The following VPS54 variants were observed in gnomAD, a reference collection of about 807,000 sequenced individuals.
VPS54 encodes vacuolar protein sorting-associated protein 54.
In VPS54, 45 loss-of-function variants were observed where a neutral mutation model predicts 121.5. The observed-to-expected ratio is 0.37, with a 90% confidence interval of 0.29 to 0.47. The LOEUF (loss-of-function observed/expected upper bound fraction) is 0.47. Ranked by LOEUF, VPS54 falls within the 20% of genes least tolerant of loss-of-function variation. The pLI is 0.99. For missense variants in VPS54, 1,090 were observed against 1,131.4 expected, an observed-to-expected ratio of 0.96 and a Z score of 0.52; for synonymous variants, 371 against 385.8, an observed-to-expected ratio of 0.96 and a Z score of 0.45.
At chr2:63,935,690 C>G (rs757943462) in intron 11 of VPS54, among the ~76,000 whole-genome samples, 1 of 152,118 alleles carries the variant, frequency 6.6e-6, no homozygotes, top group Non-Finnish European at 1.5e-5. Flanking sequence ...TACTCCCAAC[C>G]TCCTTGCCTA....
chr2:63,996,589 T>C (rs1677605208), intron 1 of VPS54, among the ~76,000 whole-genome samples: 1 of 152,222 alleles, frequency 6.6e-6, no homozygotes, highest in Non-Finnish European at 1.5e-5. Flanking sequence ...ATATTTCTCT[T>C]ATTGCCAAAA....
intron 1 of VPS54, among the ~76,000 whole-genome samples, chr2:63,991,829 T>C (rs563811110): frequency 9.8e-4 from 149 of 152,252 alleles, no homozygotes; most frequent in African/African-American, 3.4e-3. Context: ...ACAAACAAAT[T>C]TACCTACAGT....
chr2:63,953,110 C>T (rs927217496), intron 7 of VPS54, among the ~76,000 whole-genome samples: 2 of 150,888 alleles, frequency 1.3e-5, no homozygotes, highest in Admixed American at 6.6e-5. Flanking sequence ...ACACACACAA[C>T]CCCATGAAAT....
At chr2:63,903,360 T>C (rs1672769680) in intron 20 of VPS54, among the ~76,000 whole-genome samples, 1 of 152,214 alleles carries the variant, frequency 6.6e-6, no homozygotes, top group South Asian at 2.1e-4. Context: ...AAAACTGAGA[T>C]GATTCATTGC....
intron 1 of VPS54, among the ~76,000 whole-genome samples, chr2:64,003,693 A>G (rs552232372): frequency 1.3e-5 from 2 of 152,198 alleles, no homozygotes; most frequent in Non-Finnish European, 2.9e-5. Context: ...CTAATAAGGA[A>G]AAGAAAAAAC....
At chr2:63,945,060 T>C (rs1186493007) in intron 9 of VPS54, among the ~76,000 whole-genome samples, 1 of 152,132 alleles carries the variant, frequency 6.6e-6, no homozygotes, top group Non-Finnish European at 1.5e-5. Context: ...GGAATAAAAA[T>C]TGTTCTATTA....
At chr2:63,989,542 C>T (rs142584471) in intron 1 of VPS54, among the ~76,000 whole-genome samples, 90 of 152,232 alleles carry the variant, frequency 5.9e-4, no homozygotes, top group African/African-American at 2.0e-3. Flanking sequence ...CTGGTTCCCC[C>T]GATATCTGGT....
chr2:63,977,996 G>A (rs777485804), intron 3 of VPS54, among the ~76,000 whole-genome samples: 25 of 152,108 alleles, frequency 1.6e-4, no homozygotes, highest in Admixed American at 1.3e-3. Context: ...AGTCCTTTCC[G>A]TTGTATTCTC....
chr2:63,998,376 T>TA (rs1445453547), intron 1 of VPS54, among the ~76,000 whole-genome samples: 1 of 152,200 alleles, frequency 6.6e-6, no homozygotes, highest in East Asian at 1.9e-4. Flanking sequence ...CTTTATGTCT[T>TA]GTGATTGGAG....
At chr2:63,928,037 T>C (rs138140930) in intron 12 of VPS54, among the ~76,000 whole-genome samples, 4,155 of 152,308 alleles carry the variant, frequency 0.027, 181 homozygotes, top group African/African-American at 0.095. Context: ...CTACGTTTGA[T>C]TGGTGTACCT....
chr2:63,903,966 A>G (rs1157749362), intron 20 of VPS54, among the ~76,000 whole-genome samples: 1 of 152,170 alleles, frequency 6.6e-6, no homozygotes, highest in African/African-American at 2.4e-5. Flanking sequence ...ACTAAGGGAA[A>G]AAAGCAAGAT....
intron 7 of VPS54, 58 bp downstream of exon 7, chr2:63,962,000 A>G: frequency 6.9e-7 from 1 of 1,458,058 alleles, no homozygotes; most frequent in Non-Finnish European, 9.1e-7. Context: ...TTACATGCTC[A>G]ATTTTATCCT....
At chr2:63,944,574 C>T in intron 10 of VPS54, 26 bp downstream of exon 10, 1 of 1,584,252 alleles carries the variant, frequency 6.3e-7, no homozygotes, top group South Asian at 1.1e-5. Flanking sequence ...TGACTGATAA[C>T]CACCAACCTA....
chr2:63,970,650 C>A (rs900222211), intron 4 of VPS54, among the ~76,000 whole-genome samples: 13 of 152,204 alleles, frequency 8.5e-5, no homozygotes, highest in Admixed American at 8.5e-4. Context: ...TACAGACCAA[C>A]TAACTGTTCT....
chr2:63,918,809 A>C (rs1008251068), intron 15 of VPS54, among the ~76,000 whole-genome samples: 6 of 151,980 alleles, frequency 3.9e-5, no homozygotes. Flanking sequence ...CTTTTCCTGC[A>C]TGCCAAATCT....
At chr2:63,926,879 C>G (rs1362758577) in intron 12 of VPS54, among the ~76,000 whole-genome samples, 1 of 152,150 alleles carries the variant, frequency 6.6e-6, no homozygotes, top group Non-Finnish European at 1.5e-5. Context: ...GAGCCTTGCT[C>G]ACTGGTAGCA....
At position 63,968,946 on chromosome 2, in the gene VPS54, A is replaced by C. The variant is rs1676142700; in HGVS notation, c.492+11T>G. 12 of 1,600,980 alleles carry C rather than the reference A, an allele frequency of 7.5e-6. No individual in the cohort carries two copies. The highest frequency in any genetic ancestry group is 9.4e-6 in the Non-Finnish European group (11 of 1,174,422). ...TTATAAGGCAATTTTCTCATGTTTA[A>C]GCTTTGTTACCTTAGGTACTTGCTC... On this transcript the variant is annotated intron_variant, in intron 5 of 22. Coordinates refer to ENST00000272322, the MANE Select transcript of VPS54 (RefSeq NM_016516.3).
intron 1 of VPS54, among the ~76,000 whole-genome samples, chr2:63,997,296 G>A (rs1406316263): frequency 6.6e-6 from 1 of 152,150 alleles, no homozygotes; most frequent in African/African-American, 2.4e-5. Context: ...CTCATTAAAT[G>A]TTTGGTAGAA....
intron 1 of VPS54, among the ~76,000 whole-genome samples, chr2:64,003,502 G>C (rs946053877): frequency 2.0e-5 from 3 of 152,012 alleles, no homozygotes; most frequent in African/African-American, 7.2e-5. Context: ...ATCAGGCTTT[G>C]CATTTCTTGA....
Sources: gnomAD v4.1 joint callset for allele counts (sites outside exome capture counted in the v4.1 genomes callset) on GRCh38, gnomAD v4.1.1 for gene constraint, MANE v1.5 for transcripts, NCBI Gene and HGNC (gene_info 2026-07-23, HGNC 2026-07-21) for gene names.